The following NBAS variants were observed in gnomAD, a reference collection of about 807,000 sequenced individuals.
NBAS encodes NBAS subunit of NRZ tethering complex, also known as NAG/BC035112 fusion.
In NBAS, 219 loss-of-function variants were observed where a neutral mutation model predicts 302.5. That is an observed-to-expected ratio of 0.72 (90% CI 0.65 to 0.81). The LOEUF is 0.81. Ranked by LOEUF, NBAS falls within the 30% of genes least tolerant of loss-of-function variation. The pLI is 0.00. For synonymous variants in NBAS, 1,118 were observed against 1,021.6 expected (o/e 1.09, Z -1.80); for missense variants, 2,932 against 2,841.6 (o/e 1.03, Z -0.72).
At chr2:14,863,438 G>A in the NBAS span, among the ~76,000 whole-genome samples, 1 of 152,152 alleles carries the variant, frequency 6.6e-6, no homozygotes. Context: ...GTACATGGTG[G>A]GGAGATCACG....
chr2:15,009,070 G>A, the NBAS span, among the ~76,000 whole-genome samples: 43 of 152,274 alleles, frequency 2.8e-4, no homozygotes, highest in African/African-American at 9.9e-4. Context: ...TCTCCTTAAT[G>A]CACTAATAGC....
chr2:15,094,260 A>T, the NBAS span, among the ~76,000 whole-genome samples: 3 of 152,242 alleles, frequency 2.0e-5, no homozygotes, highest in African/African-American at 7.2e-5. Flanking sequence ...CCTCTCTAGT[A>T]ATCAAAATGC....
intron 44 of NBAS, among the ~76,000 whole-genome samples, chr2:15,258,309 A>C (rs927750906): frequency 2.0e-5 from 3 of 152,148 alleles, no homozygotes; most frequent in African/African-American, 7.2e-5. Flanking sequence ...AAATCAGTGC[A>C]CCTTGAAAAT....
the NBAS span, among the ~76,000 whole-genome samples, chr2:14,832,034 T>C: frequency 1.3e-5 from 2 of 152,134 alleles, no homozygotes; most frequent in Non-Finnish European, 2.9e-5. Flanking sequence ...AGTGATCGAG[T>C]AGTCTGGGTC....
At chr2:15,026,978 C>T in the NBAS span, among the ~76,000 whole-genome samples, 2 of 152,054 alleles carry the variant, frequency 1.3e-5, no homozygotes, top group Non-Finnish European at 2.9e-5. Context: ...CATTCATAAA[C>T]TAATTCTATA....
chr2:15,192,534 A>T (rs1347619899), intron 48 of NBAS, among the ~76,000 whole-genome samples: 2 of 152,222 alleles, frequency 1.3e-5, no homozygotes, highest in African/African-American at 4.8e-5. Context: ...TCAGGACAAA[A>T]GACGGCAGGT....
At chr2:15,226,356 T>C (rs181179466) in intron 47 of NBAS, among the ~76,000 whole-genome samples, 2 of 152,352 alleles carry the variant, frequency 1.3e-5, no homozygotes, top group East Asian at 1.9e-4. Context: ...TTGACAGATA[T>C]ATGCTTTTAG....
chr2:15,434,122 C>CA lies in NBAS; in HGVS notation c.2340-6329dup, dbSNP rs560227464. ...CCTGGATGACAGAGAGAGACTGTCT[C>CA]AAAAAAATAAATTAAATTAATTAAA... On this transcript the variant is annotated intron_variant, in intron 21 of 51. Transcript: ENST00000281513. 3.2e-3 allele frequency among the ~76,000 whole-genome samples: 479 copies of CA among 151,418 alleles called. 4 individuals are homozygous for CA. The highest frequency in any genetic ancestry group is 0.011 in the African/African-American group (453 of 41,188).
chr2:14,956,469 T>C, the NBAS span, among the ~76,000 whole-genome samples: 2 of 152,190 alleles, frequency 1.3e-5, no homozygotes, highest in Non-Finnish European at 2.9e-5. Flanking sequence ...AACCCCACGC[T>C]CTGTAGTACC....
At chr2:15,209,126 A>C (rs12992127) in intron 48 of NBAS, among the ~76,000 whole-genome samples, 1 of 152,100 alleles carries the variant, frequency 6.6e-6, no homozygotes, top group East Asian at 1.9e-4. Context: ...ATTTCAACCA[A>C]TACTGCAGAA....
chr2:15,309,605 A>G (rs1329370301), intron 38 of NBAS, among the ~76,000 whole-genome samples: 1 of 152,162 alleles, frequency 6.6e-6, no homozygotes, highest in East Asian at 1.9e-4. Flanking sequence ...GCTAATATGG[A>G]GGGTGATAAT....
At chr2:15,471,992 A>G (rs1679979338) in intron 16 of NBAS, among the ~76,000 whole-genome samples, 1 of 152,252 alleles carries the variant, frequency 6.6e-6, no homozygotes, top group Admixed American at 6.5e-5. Flanking sequence ...ACAAGACTAT[A>G]TTAACCTTAA....
chr2:14,782,121 T>G, the NBAS span, among the ~76,000 whole-genome samples: 1 of 152,246 alleles, frequency 6.6e-6, no homozygotes, highest in East Asian at 1.9e-4. Context: ...AAACCCAGGT[T>G]AAAGTTCTTC....
chr2:14,985,437 G>A, the NBAS span, among the ~76,000 whole-genome samples: 2 of 152,188 alleles, frequency 1.3e-5, no homozygotes, highest in East Asian at 1.9e-4. Context: ...CCGCAGCTGC[G>A]AACAGCAGAG....
chr2:14,964,227 C>A, the NBAS span, among the ~76,000 whole-genome samples: 1 of 152,172 alleles, frequency 6.6e-6, no homozygotes, highest in African/African-American at 2.4e-5. Flanking sequence ...CCAGAACTGA[C>A]ACAGACGTTG....
intron 35 of NBAS, among the ~76,000 whole-genome samples, chr2:15,333,602 C>T (rs1672446919): frequency 4.0e-5 from 6 of 151,728 alleles, no homozygotes; most frequent in Admixed American, 3.9e-4. Flanking sequence ...AGGTATTTTC[C>T]AATTAAATGT....
chr2:14,815,178 G>A, the NBAS span, among the ~76,000 whole-genome samples: 1 of 152,154 alleles, frequency 6.6e-6, no homozygotes, highest in Non-Finnish European at 1.5e-5. Flanking sequence ...TTTGAGAACA[G>A]AATAATATAA....
chr2:15,098,637 T>C, the NBAS span, among the ~76,000 whole-genome samples: 1 of 133,768 alleles, frequency 7.5e-6, no homozygotes, highest in Admixed American at 8.5e-5. Context: ...GTATATTATA[T>C]ATTATATATT....
the NBAS span, among the ~76,000 whole-genome samples, chr2:15,109,197 T>C: frequency 6.6e-6 from 1 of 152,184 alleles, no homozygotes; most frequent in Non-Finnish European, 1.5e-5. Flanking sequence ...TTATAGTCTT[T>C]GGTGCCTGTC....
Sources: allele counts gnomAD v4.1 joint callset (sites outside exome capture counted in the v4.1 genomes callset), GRCh38; gene constraint gnomAD v4.1.1; transcripts MANE v1.5; gene names NCBI Gene and HGNC (gene_info 2026-07-23, HGNC 2026-07-21).